Variants in ZBED3 observed in about 807,000 individuals in gnomAD.
ZBED3 encodes the protein zinc finger BED domain-containing protein 3.
For missense variants in ZBED3, 388 were observed against 362.9 expected, an observed-to-expected ratio of 1.07 and a Z score of -0.56; for synonymous variants, 175 against 180.0, an observed-to-expected ratio of 0.97 and a Z score of 0.22.
At chr5:77,083,889 C>G (rs114728499) in intron 1 of ZBED3, among the ~76,000 whole-genome samples, 1 of 152,132 alleles carries the variant, frequency 6.6e-6, no homozygotes, top group Non-Finnish European at 1.5e-5. Context: ...GTTTAATTAG[C>G]CAAAGCCCTG....
Position 77,075,981 on chromosome 5 carries a change from GTATATA to G in ZBED3, c.*1187_*1192del, listed in dbSNP as rs59835820. On this transcript the variant is annotated 3_prime_UTR_variant, in exon 3 of 3. Coordinates refer to ENST00000255198, the MANE Select transcript of ZBED3 (RefSeq NM_032367.4). Reference sequence around the variant, plus strand: ...TATATATATATGTATATGTATATATGTATATATATATGTATATATGTATATATATAT... The same window carrying G: ...TATATATATATGTATATGTATATATGTATATGTATATATGTATATATATAT... 1,387 of 24,544 alleles carry G rather than the reference GTATATA, an allele frequency of 0.057. 168 individuals are homozygous for G. The highest frequency in any genetic ancestry group is 0.18 in the South Asian group (148 of 818). 1.5% of individuals were successfully genotyped at this position (24,544 alleles called of 1,614,324 possible). A position where few individuals can be genotyped will look rare whatever the true frequency, so the allele number is the denominator to read the frequency against.
rs997702534 is a variant in ZBED3, at chr5:77,073,123, T to C, written c.*4051A>G. On this transcript the variant is annotated 3_prime_UTR_variant, in exon 3 of 3. Coordinates refer to ENST00000255198, the MANE Select transcript of ZBED3 (RefSeq NM_032367.4). Reference sequence around the variant, plus strand: ...TCATAAAAGTAATTCATACTTTGTGTAAAAAATTACAACAATGCAGAAGTG... The same window carrying C: ...TCATAAAAGTAATTCATACTTTGTGCAAAAAATTACAACAATGCAGAAGTG... 7.1e-6 allele frequency: 1 copy of C among 141,724 alleles called. No homozygotes were observed. The highest frequency in any genetic ancestry group is 3.0e-5 in the African/African-American group (1 of 33,630). The allele number at this position is 141,724 out of a possible 1,614,324, so 8.8% of individuals were successfully genotyped here.
chr5:77,086,358 TATTCTTGCCTCC>T (rs1561300594), intron 1 of ZBED3, among the ~76,000 whole-genome samples: 1 of 152,116 alleles, frequency 6.6e-6, no homozygotes, highest in Non-Finnish European at 1.5e-5. Flanking sequence ...TGCCTCAAGC[TATTCTTGCCTCC>T]AAAAGGTGTC....
chr5:77,084,376 C>T (rs1452544662), intron 1 of ZBED3, among the ~76,000 whole-genome samples: 4 of 152,140 alleles, frequency 2.6e-5, no homozygotes, highest in African/African-American at 9.7e-5. Flanking sequence ...ATAAATCTCA[C>T]GAGATCTGAT....
intron 1 of ZBED3, among the ~76,000 whole-genome samples, chr5:77,084,711 C>T (rs1180312186): frequency 2.0e-5 from 3 of 152,138 alleles, no homozygotes; most frequent in Non-Finnish European, 4.4e-5. Flanking sequence ...CTTAGGGGCC[C>T]TAACACAAAA....
rs965890540 is a variant in ZBED3, at chr5:77,077,517, G to T, written c.362C>A (p.Pro121His). 11 of 1,201,118 alleles carry T rather than the reference G, an allele frequency of 9.2e-6. No homozygotes were observed. The African/African-American group carries it at 1.4e-4, about 16-fold the overall frequency. The allele number at this position is 1,201,118 out of a possible 1,614,324, so 74.4% of individuals were successfully genotyped here. A position where few individuals can be genotyped will look rare whatever the true frequency, so the allele number is the denominator to read the frequency against. ...PAAPCPPPPG[P>H]AAAPEGDWAR... is the part of the protein sequence containing the mutation. The stretch of plus-strand genomic sequence containing the variant: ...CCAGTCGCCCTCGGGGGCCGCAGCG[G>T]GGCCGGGCGGCGGCGGGCAGGGCGC... The change falls in exon 3 of 3, where the codon CCC becomes CAC. Residue 121 changes from proline to histidine, a missense_variant. Coordinates refer to ENST00000255198, the MANE Select transcript of ZBED3 (RefSeq NM_032367.4).
chr5:77,077,562 G>T lies in ZBED3; in HGVS notation c.317C>A (p.Ala106Asp). 1 of 1,265,436 alleles carries T rather than the reference G, an allele frequency of 7.9e-7. No individual in the cohort carries two copies. Among genetic ancestry groups the T allele is most frequent in the Non-Finnish European group, 9.9e-7 (1 of 1,008,026 alleles). 78.4% of individuals were successfully genotyped at this position (1,265,436 alleles called of 1,614,324 possible). A position where few individuals can be genotyped will look rare whatever the true frequency, so the allele number is the denominator to read the frequency against. The change falls in exon 3 of 3, where the codon GCC (alanine) becomes GAC (aspartate). Residue 106 changes from alanine to aspartate, a missense_variant. Ala to Asp is a moderately radical substitution (Grantham distance 126). Coordinates refer to ENST00000255198, the MANE Select transcript of ZBED3 (RefSeq NM_032367.4). ...GGGCGCGGCAGGTGGGGAGCTCCCG[G>T]CGCCGCTGCTCTCCAGCTCCCGCCG... Reference protein sequence around the residue: ...AHRRELESSGAGSSPPAAPCP... With the variant: ...AHRRELESSGDGSSPPAAPCP...
In ZBED3 at chr5:77,080,670, T is replaced by G. The variant is rs918820550; in HGVS notation, c.-152-1942A>C. ...CACAGGCCGTAACAGCCTGGTTAGC[T>G]GAGCAAACTATCACAAGGACAGAAA... On this transcript the variant is annotated intron_variant, in intron 1 of 2. Transcript: ENST00000255198. 1.2e-5 allele frequency: 6 copies of G among 503,922 alleles called. No individual in the cohort carries two copies. In the Admixed American group the frequency reaches 1.2e-4, roughly 10 times the overall value. The allele number at this position is 503,922 out of a possible 1,614,324, so 31.2% of individuals were successfully genotyped here. A position where few individuals can be genotyped will look rare whatever the true frequency, so the allele number is the denominator to read the frequency against.
chr5:77,074,220 C>T lies in ZBED3; in HGVS notation c.*2954G>A, dbSNP rs1470147373. 2 of 152,118 alleles carry T rather than the reference C, an allele frequency of 1.3e-5. No individual in the cohort carries two copies. The highest frequency in any genetic ancestry group is 2.9e-5 in the Non-Finnish European group (2 of 68,124). The allele number at this position is 152,118 out of a possible 1,614,324, so 9.4% of individuals were successfully genotyped here. ...AGGTGACAGAGTCAAAGCTTGCACTCAAGTAGGTGATTGATAGGTGATCTT... is the reference window on the plus strand; with the variant it reads ...AGGTGACAGAGTCAAAGCTTGCACTTAAGTAGGTGATTGATAGGTGATCTT... On this transcript the variant is annotated 3_prime_UTR_variant, in exon 3 of 3. Coordinates refer to ENST00000255198, the MANE Select transcript of ZBED3 (RefSeq NM_032367.4).
chr5:77,072,320 ATT>A lies in ZBED3; in HGVS notation c.*4852_*4853del, dbSNP rs985043231. On this transcript the variant is annotated 3_prime_UTR_variant, in exon 3 of 3. Transcript: ENST00000255198. ...TATGAGCCACACTAAAATAATTATC[ATT>A]GTTTTATTATAATCTCACCTTATTA... The A allele has an allele frequency of 1.3e-5, 2 of 152,198 alleles. No individual in the cohort carries two copies. Among genetic ancestry groups the A allele is most frequent in the African/African-American group, 4.8e-5 (2 of 41,442 alleles). The allele number at this position is 152,198 out of a possible 1,614,324, so 9.4% of individuals were successfully genotyped here.
chr5:77,075,944 C>CATATATAT lies in ZBED3; in HGVS notation c.*1222_*1229dup, dbSNP rs1159328230. On this transcript the variant is annotated 3_prime_UTR_variant, in exon 3 of 3. Transcript: ENST00000255198. ...CCTAGAACTTAAAGTATTATATATA[C>CATATATAT]ATATATATATATATATATATATGTA... The CATATATAT allele has an allele frequency of 2.9e-3, 69 of 23,442 alleles. 11 individuals carry two copies. Among genetic ancestry groups the CATATATAT allele is most frequent in the East Asian group, 5.8e-3 (8 of 1,372 alleles). The allele number at this position is 23,442 out of a possible 1,614,324, so 1.5% of individuals were successfully genotyped here. A position where few individuals can be genotyped will look rare whatever the true frequency, so the allele number is the denominator to read the frequency against.
chr5:77,080,340 T>C (rs1743102946), intron 1 of ZBED3: 2 of 414,132 alleles, frequency 4.8e-6, no homozygotes, highest in East Asian at 1.2e-4. Flanking sequence ...TGTTAGGAGT[T>C]AAAGTGGGCA....
In ZBED3 at chr5:77,081,498, T is replaced by A. The variant is rs1743129405; in HGVS notation, c.-152-2770A>T. Among the ~76,000 whole-genome samples the A allele has an allele frequency of 2.6e-5, 4 of 151,988 alleles. No individual in the cohort carries two copies. In the South Asian group the frequency reaches 8.3e-4, roughly 32 times the overall value. On this transcript the variant is annotated intron_variant, in intron 1 of 2. Coordinates refer to ENST00000255198, the MANE Select transcript of ZBED3 (RefSeq NM_032367.4). Reference sequence around the variant, plus strand: ...CAAAGTAGCTGGGACTACAGGTGCATGCCACCATGCTTGGCTAATTTTTGT... The same window carrying A: ...CAAAGTAGCTGGGACTACAGGTGCAAGCCACCATGCTTGGCTAATTTTTGT...
chr5:77,085,556 C>T (rs930692497), intron 1 of ZBED3, among the ~76,000 whole-genome samples: 2 of 152,208 alleles, frequency 1.3e-5, no homozygotes, highest in South Asian at 4.1e-4. Flanking sequence ...GAAATTCACA[C>T]TAACGTGAAA....
In ZBED3 at chr5:77,076,255, A is replaced by G. The variant is rs1004363669; in HGVS notation, c.*919T>C. On this transcript the variant is annotated 3_prime_UTR_variant, in exon 3 of 3. Coordinates refer to ENST00000255198, the MANE Select transcript of ZBED3 (RefSeq NM_032367.4). Reference sequence around the variant, plus strand: ...AGGGACTGAGACAGCGAAAGGGGGAATACTACAGGAGGAAAGACCCAGTAA... The same window carrying G: ...AGGGACTGAGACAGCGAAAGGGGGAGTACTACAGGAGGAAAGACCCAGTAA... 6.6e-6 allele frequency: 1 copy of G among 151,398 alleles called. No individual in the cohort carries two copies. The highest frequency in any genetic ancestry group is 1.5e-5 in the Non-Finnish European group (1 of 67,934). The allele number at this position is 151,398 out of a possible 1,614,324, so 9.4% of individuals were successfully genotyped here.
At chr5:77,084,281 A>G (rs1743189976) in intron 1 of ZBED3, among the ~76,000 whole-genome samples, 1 of 152,140 alleles carries the variant, frequency 6.6e-6, no homozygotes, top group South Asian at 2.1e-4. Context: ...CTACTCCCAT[A>G]ATTCCCACGT....
At position 77,075,287 on chromosome 5, in the gene ZBED3, A is replaced by AT. The variant is rs1446473641; in HGVS notation, c.*1886_*1887insA. 1.3e-5 allele frequency: 2 copies of AT among 152,330 alleles called. No homozygotes were observed. The highest frequency in any genetic ancestry group is 1.9e-4 in the East Asian group (1 of 5,186). 9.4% of individuals were successfully genotyped at this position (152,330 alleles called of 1,614,324 possible). Reference sequence around the variant, plus strand: ...GATGCTTCAAAAAGTATCATGGGAAAATATGTTGGGGTTGTTGTAGACTGA... The same window carrying AT: ...GATGCTTCAAAAAGTATCATGGGAAATATATGTTGGGGTTGTTGTAGACTGA... On this transcript the variant is annotated 3_prime_UTR_variant, in exon 3 of 3. Transcript: ENST00000255198.
chr5:77,077,905 AG>A lies in ZBED3; in HGVS notation c.-17-11del. The stretch of plus-strand genomic sequence containing the variant: ...CTGCGGCGCCCGCACGCTGGGGAGC[AG>A]GGGAAGAATAATAATGAGTGTTAGG... On this transcript the variant is annotated splice_polypyrimidine_tract_variant and intron_variant, in intron 2 of 2. Transcript: ENST00000255198. 8.0e-7 allele frequency: 1 copy of A among 1,248,548 alleles called. No individual in the cohort carries two copies. Among genetic ancestry groups the A allele is most frequent in the South Asian group, 3.4e-5 (1 of 29,574 alleles). 77.3% of individuals were successfully genotyped at this position (1,248,548 alleles called of 1,614,324 possible). A position where few individuals can be genotyped will look rare whatever the true frequency, so the allele number is the denominator to read the frequency against.
chr5:77,083,470 C>A (rs1279572050), intron 1 of ZBED3, among the ~76,000 whole-genome samples: 1 of 152,150 alleles, frequency 6.6e-6, no homozygotes, highest in African/African-American at 2.4e-5. Flanking sequence ...TAGCCCCAGC[C>A]CACCCGAGTC....
Sources: gnomAD v4.1 joint callset for allele counts (sites outside exome capture counted in the v4.1 genomes callset) on GRCh38, gnomAD v4.1.1 for gene constraint, MANE v1.5 for transcripts, NCBI Gene and HGNC (gene_info 2026-07-23, HGNC 2026-07-21) for gene names.